RPS6KB1: variants seen among roughly 807,000 people sequenced by gnomAD.
RPS6KB1 encodes ribosomal protein S6 kinase B1, also known as ribosomal protein S6 kinase beta-1.
In RPS6KB1, 12 loss-of-function variants were observed where a neutral mutation model predicts 70.2. The observed-to-expected ratio is 0.17, with a 90% CI of 0.11 to 0.28. The LOEUF (loss-of-function observed/expected upper bound fraction) is 0.28, where lower values mean the gene tolerates loss of function less well. RPS6KB1 is among the 10% of genes least tolerant of loss of function. The pLI, the probability that RPS6KB1 is intolerant of heterozygous loss-of-function variation, is 1.00. For synonymous variants in RPS6KB1, 175 were observed against 211.2 expected, an observed-to-expected ratio of 0.83 and a Z score of 1.49; for missense variants, 270 against 646.6, an observed-to-expected ratio of 0.42 and a Z score of 6.32.
chr17:59,925,142 T>C (rs2043529502), intron 4 of RPS6KB1, among the ~76,000 whole-genome samples: 1 of 152,310 alleles, frequency 6.6e-6, no homozygotes, highest in Admixed American at 6.5e-5. Flanking sequence ...ATTTTTCTTA[T>C]TTTTATAGCT....
chr17:59,922,734 TGGG>T (rs1235879189), intron 4 of RPS6KB1, among the ~76,000 whole-genome samples: 6 of 151,332 alleles, frequency 4.0e-5, no homozygotes, highest in African/African-American at 1.5e-4. Context: ...TTAGTAGAGA[TGGG>T]GTTTCACCAT....
At position 59,898,373 on chromosome 17, in the gene RPS6KB1, T is replaced by G. The variant is rs964539775; in HGVS notation, c.141+5048T>G. 4.6e-5 allele frequency among the ~76,000 whole-genome samples: 7 copies of G among 152,160 alleles called. No individual in the cohort carries two copies. The East Asian group carries it at 1.3e-3, about 29-fold the overall frequency. On this transcript the variant is annotated intron_variant, in intron 1 of 14. Coordinates refer to ENST00000225577, the MANE Select transcript of RPS6KB1 (RefSeq NM_003161.4). ...TAGATAGTATATACTCAAATATTCA[T>G]GATTATGAAAAATTATAGAAAAAAT...
rs2044932818 is a variant in RPS6KB1, at chr17:59,946,496, G to A, written c.1341-55G>A. On this transcript the variant is annotated intron_variant, in intron 14 of 14. Transcript: ENST00000225577. This position sits in a 1 kb window ranked among gnomAD's most constrained non-coding sequence, Gnocchi z 4.2. ...CTCCCTTTAAACGTAAAGGAAATAT[G>A]TCTTGTTGAGATGACCCTTAAGCAA... The A allele has an allele frequency of 7.8e-7, 1 of 1,280,152 alleles. No homozygotes were observed. The allele number at this position is 1,280,152 out of a possible 1,614,324, so 79.3% of individuals were successfully genotyped here. A position where few individuals can be genotyped will look rare whatever the true frequency, so the allele number is the denominator to read the frequency against.
chr17:59,897,083 C>G (rs1027475133), intron 1 of RPS6KB1, among the ~76,000 whole-genome samples: 1 of 152,164 alleles, frequency 6.6e-6, no homozygotes, highest in African/African-American at 2.4e-5. Flanking sequence ...AGGCATAGGC[C>G]ATATGATAGC....
Position 59,945,633 on chromosome 17 carries a change from TG to T in RPS6KB1, c.1340+116del, listed in dbSNP as rs1376211568. The T allele has an allele frequency of 2.0e-5, 13 of 640,834 alleles. No individual in the cohort carries two copies. In the Admixed American group the frequency reaches 3.0e-4, roughly 15 times the overall value. 39.7% of individuals were successfully genotyped at this position (640,834 alleles called of 1,614,324 possible). ...GAAAGACTGTCATACTCTCTTTGGT[TG>T]ACATAAGCACAGCATCTATATCTTA... is the stretch of plus-strand genomic sequence containing the variant. On this transcript the variant is annotated intron_variant, in intron 14 of 14. Coordinates refer to ENST00000225577, the MANE Select transcript of RPS6KB1 (RefSeq NM_003161.4).
chr17:59,929,555 G>A (rs1361567199), intron 5 of RPS6KB1, among the ~76,000 whole-genome samples: 2 of 152,130 alleles, frequency 1.3e-5, no homozygotes, highest in Non-Finnish European at 2.9e-5. Flanking sequence ...AAACATTTAT[G>A]TATTCATTTA....
At position 59,947,040 on chromosome 17, in the gene RPS6KB1, A is replaced by G. The variant is rs999301295; in HGVS notation, c.*252A>G. 3.4e-5 allele frequency: 44 copies of G among 1,313,010 alleles called. No homozygotes were observed. In the African/African-American group the frequency reaches 5.5e-4, roughly 16 times the overall value. The allele number at this position is 1,313,010 out of a possible 1,614,324, so 81.3% of individuals were successfully genotyped here. Reference sequence around the variant, plus strand: ...ATTGATTCCTCGCGACATCTTCTCAACCTTATCAAGGATTTTCATGTTGAT... The same window carrying G: ...ATTGATTCCTCGCGACATCTTCTCAGCCTTATCAAGGATTTTCATGTTGAT... On this transcript the variant is annotated 3_prime_UTR_variant, in exon 15 of 15. Coordinates refer to ENST00000225577, the MANE Select transcript of RPS6KB1 (RefSeq NM_003161.4).
intron 4 of RPS6KB1, among the ~76,000 whole-genome samples, chr17:59,916,441 T>C (rs1195149647): frequency 1.3e-5 from 2 of 152,232 alleles, no homozygotes; most frequent in Admixed American, 1.3e-4. Flanking sequence ...TTGTTTCTTG[T>C]TTACTTCACC....
intron 9 of RPS6KB1, 165 bp from the exon 10 acceptor site, chr17:59,935,028 A>T (rs1249210131): frequency 5.6e-6 from 3 of 536,824 alleles, no homozygotes; most frequent in South Asian, 4.7e-5. Flanking sequence ...CCCTGTCTGT[A>T]AAACAAAATA....
intron 1 of RPS6KB1, among the ~76,000 whole-genome samples, chr17:59,902,981 G>A (rs2042046879): frequency 6.6e-6 from 1 of 152,054 alleles, no homozygotes; most frequent in South Asian, 2.1e-4. Context: ...AGGAATTCCA[G>A]ACCGGCCTGG....
At position 59,950,549 on chromosome 17, in the gene RPS6KB1, CTA is replaced by C. The variant is rs968159368; in HGVS notation, c.*3763_*3764del. On this transcript the variant is annotated 3_prime_UTR_variant, in exon 15 of 15. Transcript: ENST00000225577. ...GTGTTCAAGTTGTCATATAAATAAA[CTA>C]TGTATGTAAGGAATGGGTTAAAAGC... 6.3e-4 allele frequency: 96 copies of C among 152,040 alleles called. No individual in the cohort carries two copies. The highest frequency in any genetic ancestry group is 2.1e-3 in the African/African-American group (88 of 41,462). 9.4% of individuals were successfully genotyped at this position (152,040 alleles called of 1,614,324 possible). A position where few individuals can be genotyped will look rare whatever the true frequency, so the allele number is the denominator to read the frequency against.
At position 59,934,381 on chromosome 17, in the gene RPS6KB1, CAGATGA is replaced by C. The variant is rs2044116796; in HGVS notation, c.780-52_780-47del. The C allele has an allele frequency of 6.6e-7, 1 of 1,522,876 alleles. No individual in the cohort carries two copies. Among genetic ancestry groups the C allele is most frequent in the South Asian group, 1.1e-5 (1 of 88,916 alleles). The allele number at this position is 1,522,876 out of a possible 1,614,324, so 94.3% of individuals were successfully genotyped here. A position where few individuals can be genotyped will look rare whatever the true frequency, so the allele number is the denominator to read the frequency against. On this transcript the variant is annotated intron_variant, in intron 8 of 14. Transcript: ENST00000225577. The surrounding 1 kb of genome is among the most constrained non-coding windows in gnomAD (Gnocchi z 4.8). ...GTATATTGTTTTTAAAATTCTAATT[CAGATGA>C]TATGCAAATGGGTGAATTTTTAAGC...
chr17:59,894,866 A>G (rs541198424), intron 1 of RPS6KB1, among the ~76,000 whole-genome samples: 2 of 152,142 alleles, frequency 1.3e-5, no homozygotes, highest in African/African-American at 4.8e-5. Flanking sequence ...CGGCCTCCCA[A>G]AATGCTGGGA....
intron 12 of RPS6KB1, among the ~76,000 whole-genome samples, chr17:59,937,757 C>T (rs1376486157): frequency 1.3e-5 from 2 of 152,180 alleles, no homozygotes; most frequent in Non-Finnish European, 2.9e-5. Context: ...AATAAGGTCA[C>T]ATTCTGAGGA....
chr17:59,944,943 C>G (rs1000250066), intron 13 of RPS6KB1, among the ~76,000 whole-genome samples: 1 of 151,862 alleles, frequency 6.6e-6, no homozygotes, highest in South Asian at 2.1e-4. Flanking sequence ...GGATTACAGG[C>G]GTGCACCACC....
rs372448746 is a variant in RPS6KB1 at position 59,922,669 on chromosome 17, A to G, written c.382-3766A>G. ...AAACTATCCTCCTGCCTCAGCCTCC[A>G]GAGTAGCTGAGACTACAGGCGTGCG... is the stretch of plus-strand genomic sequence containing the variant. On this transcript the variant is annotated intron_variant, in intron 4 of 14. Transcript: ENST00000225577. Among the ~76,000 whole-genome samples the G allele has an allele frequency of 4.6e-4, 64 of 138,510 alleles. 1 individual carries two copies. Among genetic ancestry groups the G allele is most frequent in the African/African-American group, 1.8e-3 (64 of 36,104 alleles). 90.9% of individuals were successfully genotyped at this position (138,510 alleles called of 152,430 possible). A position where few individuals can be genotyped will look rare whatever the true frequency, so the allele number is the denominator to read the frequency against.
At chr17:59,938,187 G>GGC (rs1568492871) in intron 12 of RPS6KB1, among the ~76,000 whole-genome samples, 1 of 141,862 alleles carries the variant, frequency 7.0e-6, no homozygotes, top group African/African-American at 2.6e-5. Flanking sequence ...TTTTTTTTGG[G>GGC]GGGGGGATAG....
intron 7 of RPS6KB1, among the ~76,000 whole-genome samples, chr17:59,932,266 G>C (rs1185002768): frequency 6.6e-6 from 1 of 151,138 alleles, no homozygotes; most frequent in Non-Finnish European, 1.5e-5. Context: ...AAAAAAATTA[G>C]CTGGGCATGA....
chr17:59,941,657 C>T (rs557295487), intron 13 of RPS6KB1, among the ~76,000 whole-genome samples: 8 of 142,214 alleles, frequency 5.6e-5, no homozygotes, highest in South Asian at 2.2e-4. Flanking sequence ...TTTTTTGAGA[C>T]GGAGTCTTGC....
Sources: gnomAD v4.1 joint callset for allele counts (sites outside exome capture counted in the v4.1 genomes callset) on GRCh38, gnomAD v4.1.1 for gene constraint, Gnocchi (gnomAD v3.1) non-coding constraint, MANE v1.5 for transcripts, NCBI Gene and HGNC (gene_info 2026-07-23, HGNC 2026-07-21) for gene names.